KIF13A: variants seen among roughly 807,000 people sequenced by gnomAD.
KIF13A encodes kinesin-like protein KIF13A.
KIF13A carries 79 observed loss-of-function variants against 212.2 expected under a neutral mutation model. That is an observed-to-expected ratio of 0.37 (90% CI 0.31 to 0.45). The LOEUF (loss-of-function observed/expected upper bound fraction) is 0.45, where lower values mean the gene tolerates loss of function less well. KIF13A is among the 20% of genes least tolerant of loss of function. The pLI, the probability that KIF13A is intolerant of heterozygous loss-of-function variation, is 1.00. For synonymous variants in KIF13A, 789 were observed against 808.6 expected, an observed-to-expected ratio of 0.98 and a Z score of 0.41; for missense variants, 1,901 against 2,209.0, an observed-to-expected ratio of 0.86 and a Z score of 2.79.
chr6:17,823,246 G>C (rs10949453), intron 16 of KIF13A, among the ~76,000 whole-genome samples: 26,837 of 151,770 alleles, frequency 0.18, 2,673 homozygotes, highest in Admixed American at 0.29. Flanking sequence ...GTTTCACCAT[G>C]TTGGCCAGGC....
chr6:17,951,228 C>T lies in KIF13A; in HGVS notation c.146+35826G>A, dbSNP rs547558183. On this transcript the variant is annotated intron_variant, in intron 2 of 38. Transcript: ENST00000259711. The surrounding 1 kb of genome is among the most constrained non-coding windows in gnomAD (Gnocchi z 4.9). ...GGCGTGCAGTGGCTCAAACAGCTCA[C>T]TGGAGCCTCCTGCCTCAGTCTCCTG... 4.8e-6 allele frequency: 4 copies of T among 835,688 alleles called. No homozygotes were observed. Among genetic ancestry groups the T allele is most frequent in the Non-Finnish European group, 6.6e-6 (4 of 608,726 alleles). The allele number at this position is 835,688 out of a possible 1,614,324, so 51.8% of individuals were successfully genotyped here.
At chr6:17,885,680 A>G (rs1771478204) in intron 3 of KIF13A, among the ~76,000 whole-genome samples, 1 of 152,254 alleles carries the variant, frequency 6.6e-6, no homozygotes, top group Non-Finnish European at 1.5e-5. Context: ...TTTAATGAAT[A>G]AATCTGAAAA....
At chr6:17,852,163 C>T in intron 6 of KIF13A, 121 bp from the exon 7 acceptor site, 2 of 449,466 alleles carry the variant, frequency 4.4e-6, no homozygotes, top group Non-Finnish European at 4.0e-6. Flanking sequence ...ACTCCTCCCC[C>T]CAACAAATCT....
chr6:17,810,828 A>C (rs1222109299), intron 17 of KIF13A, among the ~76,000 whole-genome samples: 1 of 152,144 alleles, frequency 6.6e-6, no homozygotes, highest in Non-Finnish European at 1.5e-5. Flanking sequence ...GCCACTGCTG[A>C]TCTGACAGGA....
intron 2 of KIF13A, among the ~76,000 whole-genome samples, chr6:17,923,427 A>C (rs1266511725): frequency 6.6e-6 from 1 of 152,082 alleles, no homozygotes; most frequent in Admixed American, 6.5e-5. Flanking sequence ...GGGAAGGTCA[A>C]GAATGCCCCC....
intron 4 of KIF13A, among the ~76,000 whole-genome samples, chr6:17,859,620 T>TTTTATATATA (rs1485260645): frequency 3.8e-5 from 5 of 131,550 alleles, no homozygotes; most frequent in Admixed American, 7.5e-5. Context: ...GCAATGTATT[T>TTTTATATATA]TATATATATA....
intron 4 of KIF13A, among the ~76,000 whole-genome samples, chr6:17,866,043 G>A (rs894920273): frequency 3.9e-5 from 6 of 152,186 alleles, no homozygotes; most frequent in Non-Finnish European, 5.9e-5. Flanking sequence ...AGAATATAAA[G>A]CCACTCACCT....
chr6:17,785,486 G>A lies in KIF13A; in HGVS notation c.3488+29C>T. ...ACAGGCGACCTGTACCATCTCCCCA[G>A]GTCTGCACAGAAGGGAGGGCAGCCT... On this transcript the variant is annotated intron_variant, in intron 28 of 38. Transcript: ENST00000259711. This position sits in a 1 kb window ranked among gnomAD's most constrained non-coding sequence, Gnocchi z 5.8. The A allele has an allele frequency of 6.6e-7, 1 of 1,516,310 alleles. No homozygotes were observed. Among genetic ancestry groups the A allele is most frequent in the Non-Finnish European group, 8.8e-7 (1 of 1,136,534 alleles). The allele number at this position is 1,516,310 out of a possible 1,614,324, so 93.9% of individuals were successfully genotyped here. A position where few individuals can be genotyped will look rare whatever the true frequency, so the allele number is the denominator to read the frequency against.
chr6:17,908,041 C>T (rs990886137), intron 2 of KIF13A, among the ~76,000 whole-genome samples: 1 of 152,126 alleles, frequency 6.6e-6, no homozygotes, highest in Non-Finnish European at 1.5e-5. Context: ...AGTTAAGACA[C>T]TACTGCAAGG....
intron 12 of KIF13A, among the ~76,000 whole-genome samples, chr6:17,832,457 T>C (rs1362118696): frequency 2.0e-5 from 3 of 151,794 alleles, no homozygotes; most frequent in African/African-American, 7.3e-5. Context: ...GCCAACATGG[T>C]GAATCCCTGA....
intron 18 of KIF13A, 145 bp from the exon 19 acceptor site, chr6:17,805,760 T>G (rs949458657): frequency 8.4e-6 from 6 of 711,264 alleles, no homozygotes; most frequent in African/African-American, 1.8e-5. Flanking sequence ...CCTACGAGGA[T>G]AGTCTGGTTT....
At chr6:17,946,543 T>C (rs1009749812) in intron 2 of KIF13A, among the ~76,000 whole-genome samples, 2 of 152,170 alleles carry the variant, frequency 1.3e-5, no homozygotes. Flanking sequence ...AGATGTTCCG[T>C]TGCACTTTTA....
chr6:17,793,640 C>A (rs190429094), intron 25 of KIF13A, among the ~76,000 whole-genome samples: 1 of 151,914 alleles, frequency 6.6e-6, no homozygotes, highest in East Asian at 1.9e-4. Flanking sequence ...TGGCCAGGTG[C>A]GGTGGCTCAT....
chr6:17,849,484 G>A lies in KIF13A; in HGVS notation c.723C>T (p.Ser241=), dbSNP rs374712230. ...QTLYDLQSGN[S]GEKVSKVSLV... is the part of the protein sequence containing the mutation. ...AGCTGACCTTACTGACTTTCTCCCC[G>A]GAATTCTAGTTATAGGAAACGAGAG... Residue 241 remains serine (S), a synonymous_variant, in exon 9 of 39, where the codon TCC becomes TCT. Coordinates refer to ENST00000259711, the MANE Select transcript of KIF13A (RefSeq NM_022113.6). The surrounding 1 kb of genome is among the most constrained non-coding windows in gnomAD (Gnocchi z 5.7). The A allele has an allele frequency of 1.8e-5, 29 of 1,611,294 alleles. No individual in the cohort carries two copies. The highest frequency in any genetic ancestry group is 4.0e-5 in the African/African-American group (3 of 74,742).
At chr6:17,940,531 G>C (rs185023271) in intron 2 of KIF13A, among the ~76,000 whole-genome samples, 1 of 152,160 alleles carries the variant, frequency 6.6e-6, no homozygotes, top group Non-Finnish European at 1.5e-5. Context: ...TATCTTTCCA[G>C]TCATTGTTTC....
chr6:17,786,099 G>A lies in KIF13A; in HGVS notation c.3362-458C>T, dbSNP rs1322727962. Reference sequence around the variant, plus strand: ...AACTGCAAGCCAGAAATAGCAGAAAGAGCATTGGAACAGCAATTATGAGAC... The same window carrying A: ...AACTGCAAGCCAGAAATAGCAGAAAAAGCATTGGAACAGCAATTATGAGAC... On this transcript the variant is annotated intron_variant, in intron 27 of 38. Coordinates refer to ENST00000259711, the MANE Select transcript of KIF13A (RefSeq NM_022113.6). The surrounding 1 kb of genome is among the most constrained non-coding windows in gnomAD (Gnocchi z 5.4). Among the ~76,000 whole-genome samples the A allele has an allele frequency of 6.6e-6, 1 of 152,202 alleles. No homozygotes were observed. Among genetic ancestry groups the A allele is most frequent in the African/African-American group, 2.4e-5 (1 of 41,454 alleles).
Position 17,811,755 on chromosome 6 carries a change from A to T in KIF13A, c.2001-2825T>A, listed in dbSNP as rs75077056. Among the ~76,000 whole-genome samples, 7,772 of 152,228 alleles carry T rather than the reference A, an allele frequency of 0.051. 512 individuals are homozygous for T. The highest frequency in any genetic ancestry group is 0.15 in the African/African-American group (6,308 of 41,498). On this transcript the variant is annotated intron_variant, in intron 17 of 38. Coordinates refer to ENST00000259711, the MANE Select transcript of KIF13A (RefSeq NM_022113.6). This position sits in a 1 kb window ranked among gnomAD's most constrained non-coding sequence, Gnocchi z 6.0. ...ACCTGACAAAATCAATAATGCAACTATTCTTGTCTTTGAATGACATTCCCA... is the reference window on the plus strand; with the variant it reads ...ACCTGACAAAATCAATAATGCAACTTTTCTTGTCTTTGAATGACATTCCCA...
At position 17,817,177 on chromosome 6, in the gene KIF13A, T is replaced by G; in HGVS notation, c.1843A>C (p.Ser615Arg). Residue 615 changes from serine to arginine, a missense_variant, in exon 17 of 39, where the codon AGT (serine) becomes CGT (arginine). Coordinates refer to ENST00000259711, the MANE Select transcript of KIF13A (RefSeq NM_022113.6). ...LEKQYLEEKR[S>R]ALEEQRLMYE... ...ATGAGCCGCTGCTCCTCTAGGGCACTTCTCTTTTCTTCTAGGTATTGTTTC... is the reference window on the plus strand; with the variant it reads ...ATGAGCCGCTGCTCCTCTAGGGCACGTCTCTTTTCTTCTAGGTATTGTTTC... The G allele has an allele frequency of 1.2e-6, 2 of 1,614,062 alleles. No homozygotes were observed. Among genetic ancestry groups the G allele is most frequent in the Non-Finnish European group, 1.7e-6 (2 of 1,179,902 alleles).
At chr6:17,920,521 C>T (rs1774963066) in intron 2 of KIF13A, among the ~76,000 whole-genome samples, 1 of 152,188 alleles carries the variant, frequency 6.6e-6, no homozygotes, top group South Asian at 2.1e-4. Context: ...CCTTTCAAAG[C>T]TGAGACCTTA....
Sources: gnomAD v4.1 joint callset for allele counts (sites outside exome capture counted in the v4.1 genomes callset) on GRCh38, gnomAD v4.1.1 for gene constraint, Gnocchi (gnomAD v3.1) non-coding constraint, MANE v1.5 for transcripts, NCBI Gene and HGNC (gene_info 2026-07-23, HGNC 2026-07-21) for gene names.